NEK11: variants seen among roughly 807,000 people sequenced by gnomAD.
NEK11 encodes the protein serine/threonine-protein kinase Nek11.
In NEK11, 72 loss-of-function variants were observed where a neutral mutation model predicts 80.7. That is an observed-to-expected ratio of 0.89 (90% CI 0.74 to 1.08). The LOEUF (loss-of-function observed/expected upper bound fraction) is 1.08. Among genes scored for constraint, NEK11 ranks in the 50% least tolerant of loss-of-function variants. The pLI is 0.00. For missense variants in NEK11, 764 were observed against 763.6 expected (o/e 1.00, Z -0.01); for synonymous variants, 251 against 260.7 (o/e 0.96, Z 0.36).
intron 3 of NEK11, among the ~76,000 whole-genome samples, chr3:131,051,243 A>C (rs1386337735): frequency 1.3e-5 from 2 of 152,278 alleles, no homozygotes; most frequent in Admixed American, 6.5e-5. Context: ...CCTCCCAACC[A>C]GTTGGCTTTC....
intron 16 of NEK11, among the ~76,000 whole-genome samples, chr3:131,255,345 T>C (rs1270762758): frequency 1.3e-5 from 2 of 152,154 alleles, no homozygotes; most frequent in Non-Finnish European, 2.9e-5. Flanking sequence ...TGAGTAGTAA[T>C]AACACATACC....
At chr3:131,283,788 G>A (rs2096434716) in intron 17 of NEK11, among the ~76,000 whole-genome samples, 1 of 152,198 alleles carries the variant, frequency 6.6e-6, no homozygotes, top group African/African-American at 2.4e-5. Flanking sequence ...ATTGAAATCA[G>A]CATTTCAATT....
intron 5 of NEK11, among the ~76,000 whole-genome samples, chr3:131,125,358 A>C (rs913966375): frequency 6.6e-6 from 1 of 152,172 alleles, no homozygotes; most frequent in African/African-American, 2.4e-5. Flanking sequence ...ACTATCATTA[A>C]TTCTAATGGT....
intron 3 of NEK11, among the ~76,000 whole-genome samples, chr3:131,035,527 G>T (rs955890371): frequency 6.6e-6 from 1 of 152,180 alleles, no homozygotes; most frequent in Non-Finnish European, 1.5e-5. Context: ...GGGCTCAGGG[G>T]TTCAGCCACC....
chr3:131,044,122 C>T (rs12638632), intron 3 of NEK11, among the ~76,000 whole-genome samples: 26,597 of 151,962 alleles, frequency 0.18, 2,426 homozygotes, highest in Non-Finnish European at 0.21. Flanking sequence ...AAGGAGAAAC[C>T]GGTACCAGCC....
At chr3:131,139,353 G>GAA (rs71622003) in intron 7 of NEK11, among the ~76,000 whole-genome samples, 87 of 107,546 alleles carry the variant, frequency 8.1e-4, no homozygotes, top group Admixed American at 1.8e-3. Flanking sequence ...AGAGAAAAAA[G>GAA]AAAAAAAAAA....
intron 17 of NEK11, among the ~76,000 whole-genome samples, chr3:131,317,824 G>GA (rs1370345675): frequency 2.0e-5 from 2 of 99,288 alleles, no homozygotes; most frequent in Middle Eastern, 7.0e-3. Flanking sequence ...GAGGGGGAGG[G>GA]GAGGGGAGGG....
chr3:131,139,575 TA>T (rs1481378097), intron 7 of NEK11, among the ~76,000 whole-genome samples: 1 of 152,204 alleles, frequency 6.6e-6, no homozygotes, highest in Non-Finnish European at 1.5e-5. Flanking sequence ...AACTCATTAA[TA>T]AATGATGTGG....
At chr3:131,167,042 CT>C (rs758213660) in intron 12 of NEK11, among the ~76,000 whole-genome samples, 36 of 152,196 alleles carry the variant, frequency 2.4e-4, no homozygotes, top group Non-Finnish European at 4.1e-4. Flanking sequence ...GTGTAAAGTA[CT>C]TGTTTATTCA....
intron 14 of NEK11, among the ~76,000 whole-genome samples, chr3:131,226,653 G>T (rs61484211): frequency 0.048 from 7,337 of 152,058 alleles, 491 homozygotes; most frequent in African/African-American, 0.15. Context: ...TGCAGAGTGG[G>T]ATAATGGACT....
intron 9 of NEK11, chr3:131,154,729 G>A (rs75972612): frequency 0.056 from 16,032 of 285,716 alleles, 600 homozygotes; most frequent in Middle Eastern, 0.084. Context: ...CTACAGTCTG[G>A]GAGGTTGGAA....
intron 17 of NEK11, among the ~76,000 whole-genome samples, chr3:131,326,992 CAGCAAA>C (rs2096978489): frequency 6.6e-6 from 1 of 152,108 alleles, no homozygotes; most frequent in Non-Finnish European, 1.5e-5. Flanking sequence ...CCAGAGGACA[CAGCAAA>C]AAAGTGCCAT....
At chr3:131,085,960 G>C (rs1038653210) in intron 4 of NEK11, among the ~76,000 whole-genome samples, 4 of 152,028 alleles carry the variant, frequency 2.6e-5, no homozygotes, top group African/African-American at 9.7e-5. Flanking sequence ...ATGGGTAACT[G>C]GCAAGCTATT....
At chr3:131,153,369 CAT>C (rs1260088688) in intron 9 of NEK11, among the ~76,000 whole-genome samples, 4 of 152,136 alleles carry the variant, frequency 2.6e-5, no homozygotes, top group African/African-American at 9.7e-5. Context: ...TCCTTTATTA[CAT>C]ATCTCAATAA....
chr3:131,113,077 G>A (rs2080396154), intron 5 of NEK11, among the ~76,000 whole-genome samples: 1 of 152,126 alleles, frequency 6.6e-6, no homozygotes, highest in Non-Finnish European at 1.5e-5. Context: ...TGGCAGAGGT[G>A]GGTAGAATGA....
intron 7 of NEK11, among the ~76,000 whole-genome samples, chr3:131,135,822 A>G (rs1456591981): frequency 6.6e-6 from 1 of 152,100 alleles, no homozygotes; most frequent in African/African-American, 2.4e-5. Context: ...TTGGAATTAT[A>G]TGTAACAAAC....
intron 15 of NEK11, among the ~76,000 whole-genome samples, chr3:131,239,283 T>C (rs2095484821): frequency 1.3e-5 from 2 of 152,244 alleles, no homozygotes; most frequent in South Asian, 4.1e-4. Context: ...GACATAAGGT[T>C]GACTGAGGAC....
chr3:131,255,127 A>AGAAAGAAAGAAAG (rs149243171), intron 16 of NEK11, among the ~76,000 whole-genome samples: 17 of 148,158 alleles, frequency 1.1e-4, no homozygotes, highest in East Asian at 8.2e-4. Context: ...AAAGAAAGAA[A>AGAAAGAAAGAAAG]GAGAGAAAGA....
At chr3:131,214,520 T>G (rs1282477787) in intron 14 of NEK11, among the ~76,000 whole-genome samples, 2 of 152,224 alleles carry the variant, frequency 1.3e-5, no homozygotes, top group Non-Finnish European at 2.9e-5. Context: ...TGTTACCTTG[T>G]CATTTTCGCT....
Sources: allele counts gnomAD v4.1 joint callset (sites outside exome capture counted in the v4.1 genomes callset), GRCh38; gene constraint gnomAD v4.1.1; transcripts MANE v1.5; gene names NCBI Gene and HGNC (gene_info 2026-07-23, HGNC 2026-07-21).